QSER1: variants seen among roughly 807,000 people sequenced by gnomAD.
QSER1 encodes the protein glutamine and serine rich 1.
QSER1 carries 49 observed loss-of-function variants against 158.5 expected under a neutral mutation model. That is an observed-to-expected ratio of 0.31 (90% confidence interval 0.25 to 0.39). The LOEUF (loss-of-function observed/expected upper bound fraction) is 0.39, where lower values mean the gene tolerates loss of function less well. QSER1 is among the 10% of genes least tolerant of loss of function. The probability of loss-of-function intolerance (pLI) is 1.00; values close to 1 mark genes in which losing one functional copy is unlikely to be tolerated. For missense variants in QSER1, 1,754 were observed against 2,010.3 expected, an observed-to-expected ratio of 0.87 and a Z score of 2.44; for synonymous variants, 650 against 715.5, an observed-to-expected ratio of 0.91 and a Z score of 1.46.
At chr11:32,967,370 G>T (rs778161734) in intron 9 of QSER1, among the ~76,000 whole-genome samples, 11 of 152,008 alleles carry the variant, frequency 7.2e-5, no homozygotes, top group Non-Finnish European at 1.2e-4. Flanking sequence ...TACTTATGGG[G>T]TACAATGTAC....
intron 3 of QSER1, 42 bp from the exon 4 acceptor site, chr11:32,931,701 G>A: frequency 7.1e-7 from 1 of 1,410,664 alleles, no homozygotes; most frequent in South Asian, 1.4e-5. Context: ...TAAAGTAATT[G>A]TGCCATAATT....
Position 32,932,397 on chromosome 11 carries a change from A to G in QSER1, c.1139A>G (p.Gln380Arg), listed in dbSNP as rs1852063168. The G allele has an allele frequency of 6.2e-7, 1 of 1,612,624 alleles. No homozygotes were observed. The highest frequency in any genetic ancestry group is 1.1e-5 in the South Asian group (1 of 91,084). Residue 380 changes from glutamine (Q) to arginine (R), a missense_variant, in exon 4 of 13, where the codon CAG (glutamine) becomes CGG (arginine). Gln to Arg is a conservative substitution (Grantham distance 43, BLOSUM62 1). Transcript: ENST00000650167. ...STQVSNGGLQQKTSQVSVELA... is the reference protein window; with the variant it reads ...STQVSNGGLQRKTSQVSVELA... ...CAGGTGAGCAACGGAGGATTACAAC[A>G]GAAGACCTCCCAGGTCTCAGTGGAA... is the stretch of plus-strand genomic sequence containing the variant.
intron 1 of QSER1, among the ~76,000 whole-genome samples, chr11:32,900,653 C>T (rs939150506): frequency 1.3e-5 from 2 of 152,216 alleles, no homozygotes; most frequent in Non-Finnish European, 2.9e-5. Context: ...ATTCCCCTCC[C>T]ACCACCATCC....
At chr11:32,930,053 TAAC>T (rs1474308034) in intron 3 of QSER1, among the ~76,000 whole-genome samples, 8 of 152,232 alleles carry the variant, frequency 5.3e-5, no homozygotes, top group African/African-American at 1.9e-4. Flanking sequence ...CACCTCATAA[TAAC>T]GACTAAAACT....
chr11:32,964,842 A>G (rs895968755), intron 8 of QSER1, among the ~76,000 whole-genome samples: 5 of 151,082 alleles, frequency 3.3e-5, no homozygotes, highest in Admixed American at 3.3e-4. Flanking sequence ...AAAAACTGCT[A>G]TTTAAGGGTG....
chr11:32,897,836 G>C (rs1851574571), intron 1 of QSER1, among the ~76,000 whole-genome samples: 1 of 152,168 alleles, frequency 6.6e-6, no homozygotes, highest in Admixed American at 6.5e-5. Context: ...CTTCTCTAGT[G>C]AGGCCCATCT....
At chr11:32,928,497 T>C (rs568950061) in intron 3 of QSER1, among the ~76,000 whole-genome samples, 2 of 152,338 alleles carry the variant, frequency 1.3e-5, no homozygotes, top group South Asian at 2.1e-4. Context: ...ACTCATTTCA[T>C]TGTTAGTTTT....
At chr11:32,910,567 G>A (rs1851753595) in intron 1 of QSER1, among the ~76,000 whole-genome samples, 1 of 152,152 alleles carries the variant, frequency 6.6e-6, no homozygotes, top group African/African-American at 2.4e-5. Context: ...CTTTGTCATT[G>A]TGTATGCCTT....
At chr11:32,947,451 A>G (rs533597485) in intron 4 of QSER1, among the ~76,000 whole-genome samples, 2 of 152,260 alleles carry the variant, frequency 1.3e-5, no homozygotes, top group South Asian at 4.1e-4. Context: ...TTAATAAATG[A>G]TATTAGGTTA....
At position 32,935,242 on chromosome 11, in the gene QSER1, A is replaced by G. The variant is rs924983983; in HGVS notation, c.3984A>G (p.Thr1328=). The G allele has an allele frequency of 4.3e-6, 7 of 1,613,956 alleles. No homozygotes were observed. Among genetic ancestry groups the G allele is most frequent in the Non-Finnish European group, 5.9e-6 (7 of 1,179,940 alleles). The change falls in exon 4 of 13, where the codon ACA becomes ACG. Residue 1328 remains threonine (T), a synonymous_variant. Transcript: ENST00000650167. ...PPPLPKPSST[T]PTPLVSETGG... ...CACTTCCCAAGCCTTCATCTACAAC[A>G]CCCACACCTTTAGTGTCTGAAACTG...
At chr11:32,959,292 C>T (rs1852579777) in intron 8 of QSER1, among the ~76,000 whole-genome samples, 1 of 152,168 alleles carries the variant, frequency 6.6e-6, no homozygotes, top group Admixed American at 6.5e-5. Flanking sequence ...AAATATTTAC[C>T]TATAGCCCTT....
chr11:32,941,596 G>A (rs1191738040), intron 4 of QSER1, among the ~76,000 whole-genome samples: 43 of 152,100 alleles, frequency 2.8e-4, no homozygotes, highest in Admixed American at 5.2e-4. Context: ...ATTCCATGGT[G>A]TATATGTGCC....
chr11:32,898,447 C>T (rs1196282237), intron 1 of QSER1, among the ~76,000 whole-genome samples: 1 of 151,056 alleles, frequency 6.6e-6, no homozygotes, highest in Non-Finnish European at 1.5e-5. Context: ...GATGGTGCCA[C>T]TGCACTTCAG....
Position 32,973,722 on chromosome 11 carries a change from G to A in QSER1, c.5358+173G>A, listed in dbSNP as rs952379008. 7.2e-5 allele frequency among the ~76,000 whole-genome samples: 11 copies of A among 152,268 alleles called. 1 individual carries two copies. The highest frequency in any genetic ancestry group is 3.9e-4 in the East Asian group (2 of 5,186). ...GAACAGGGACGCATGGTGGTTTATT[G>A]TTTTTCTATAGCACAGTATCAGGCA... On this transcript the variant is annotated intron_variant, in intron 11 of 12. Transcript: ENST00000650167.
chr11:32,910,043 A>G (rs546528221), intron 1 of QSER1, among the ~76,000 whole-genome samples: 1 of 152,286 alleles, frequency 6.6e-6, no homozygotes, highest in African/African-American at 2.4e-5. Flanking sequence ...ACCGTTAACT[A>G]CTACCTTTCC....
At position 32,934,166 on chromosome 11, in the gene QSER1, C is replaced by T. The variant is rs1199048685; in HGVS notation, c.2908C>T (p.Leu970Phe). The change falls in exon 4 of 13, where the codon CTT becomes TTT. Residue 970 changes from leucine to phenylalanine, a missense_variant. By Grantham distance (22) the Leu-to-Phe change is conservative (BLOSUM62 0). Coordinates refer to ENST00000650167, the MANE Select transcript of QSER1 (RefSeq NM_001076786.3). ...GATGTGTTTCCCAGAGGCAGTGCTT[C>T]TTAGTGATGAAAGAAATATTTTATC... ...GSMCFPEAVL[L>F]SDERNILSNV... 1 of 1,613,920 alleles carries T rather than the reference C, an allele frequency of 6.2e-7. No homozygotes were observed. Among genetic ancestry groups the T allele is most frequent in the African/African-American group, 1.3e-5 (1 of 74,916 alleles).
chr11:32,898,654 A>C (rs1230727829), intron 1 of QSER1, among the ~76,000 whole-genome samples: 1 of 152,128 alleles, frequency 6.6e-6, no homozygotes, highest in African/African-American at 2.4e-5. Context: ...TGGTATGAAC[A>C]CAGCTTACTG....
chr11:32,919,726 G>T (rs1851877841), intron 1 of QSER1, among the ~76,000 whole-genome samples: 1 of 152,066 alleles, frequency 6.6e-6, no homozygotes, highest in Non-Finnish European at 1.5e-5. Flanking sequence ...CCTCCTTCAG[G>T]GTAGAGAATC....
At chr11:32,941,899 T>G (rs1421098094) in intron 4 of QSER1, among the ~76,000 whole-genome samples, 5 of 151,772 alleles carry the variant, frequency 3.3e-5, no homozygotes, top group Admixed American at 1.3e-4. Flanking sequence ...ACCTGTTGTT[T>G]CCTGACTTTT....
Sources: gnomAD v4.1 joint callset for allele counts (sites outside exome capture counted in the v4.1 genomes callset) on GRCh38, gnomAD v4.1.1 for gene constraint, MANE v1.5 for transcripts, NCBI Gene and HGNC (gene_info 2026-07-23, HGNC 2026-07-21) for gene names.